The following ESR1 variants were observed in gnomAD, a reference collection of about 807,000 sequenced individuals.
ESR1 encodes the protein estrogen receptor.
ESR1 carries 12 observed loss-of-function variants against 52.7 expected under a neutral mutation model. That is an observed-to-expected ratio of 0.23 (90% CI 0.15 to 0.37). ESR1 has a LOEUF of 0.37. Among genes scored for constraint, ESR1 ranks in the 10% least tolerant of loss-of-function variants. The pLI is 1.00. For missense variants in ESR1, 584 were observed against 779.7 expected (o/e 0.75, Z 2.99); for synonymous variants, 305 against 316.8 (o/e 0.96, Z 0.39).
chr6:152,081,844 C>T (rs1462466185), intron 6 of ESR1, among the ~76,000 whole-genome samples: 1 of 152,178 alleles, frequency 6.6e-6, no homozygotes, highest in Non-Finnish European at 1.5e-5. Flanking sequence ...ATACTATAAA[C>T]TCCTCTACGC....
chr6:151,701,981 A>G (rs943087588), exon 2 of ESR1: 1 of 152,236 alleles, frequency 6.6e-6, no homozygotes, highest in Non-Finnish European at 1.5e-5. Flanking sequence ...GTAGATTTTA[A>G]TCTGAACTTT....
chr6:151,849,991 T>TA (rs1443104827), intron 2 of ESR1, among the ~76,000 whole-genome samples: 1,535 of 111,702 alleles, frequency 0.014, 62 homozygotes, highest in African/African-American at 0.046. Flanking sequence ...TATATATATA[T>TA]ATATATATAT....
At chr6:152,055,253 G>A (rs975924064) in intron 5 of ESR1, among the ~76,000 whole-genome samples, 2 of 152,130 alleles carry the variant, frequency 1.3e-5, no homozygotes, top group African/African-American at 4.8e-5. Flanking sequence ...TTTTGGGCAG[G>A]GTCCTCTGTA....
intron 4 of ESR1, among the ~76,000 whole-genome samples, chr6:151,963,454 A>G (rs2037903985): frequency 1.3e-5 from 2 of 152,198 alleles, no homozygotes; most frequent in Admixed American, 1.3e-4. Context: ...CAAAGTGTGA[A>G]ACTCCTTAGA....
At chr6:152,093,367 T>A (rs1480280622) in intron 6 of ESR1, among the ~76,000 whole-genome samples, 2 of 143,464 alleles carry the variant, frequency 1.4e-5, no homozygotes, top group African/African-American at 5.2e-5. Flanking sequence ...TCTCTCTCTC[T>A]CTCACCCCCC....
At chr6:151,854,108 T>C (rs1157019949) in intron 2 of ESR1, among the ~76,000 whole-genome samples, 1 of 152,238 alleles carries the variant, frequency 6.6e-6, no homozygotes, top group African/African-American at 2.4e-5. Context: ...GTATCTCTGA[T>C]ACTCATTCAG....
intron 4 of ESR1, among the ~76,000 whole-genome samples, chr6:152,003,753 G>A (rs3020409): frequency 0.97 from 147,293 of 152,052 alleles, 71,378 homozygotes; most frequent in East Asian, 1. Context: ...AAAGATACAA[G>A]TGACATTTTC....
intron 2 of ESR1, among the ~76,000 whole-genome samples, chr6:151,755,640 C>CTTT (rs372816195): frequency 1.4e-5 from 2 of 145,750 alleles, no homozygotes; most frequent in African/African-American, 5.0e-5. Flanking sequence ...TTTTTCTTTT[C>CTTT]TTTTTTTTTT....
At chr6:152,026,953 C>T (rs1191969988) in intron 5 of ESR1, among the ~76,000 whole-genome samples, 1 of 149,284 alleles carries the variant, frequency 6.7e-6, no homozygotes, top group Non-Finnish European at 1.5e-5. Context: ...TAATAACTTC[C>T]ATGGCTATTC....
chr6:151,754,847 G>A (rs1461392496), intron 2 of ESR1, among the ~76,000 whole-genome samples: 1 of 152,076 alleles, frequency 6.6e-6, no homozygotes, highest in East Asian at 1.9e-4. Context: ...AACTCTAGAC[G>A]TGTCCATCCA....
chr6:151,902,228 A>C (rs1275373712), intron 3 of ESR1, among the ~76,000 whole-genome samples: 3 of 152,118 alleles, frequency 2.0e-5, no homozygotes, highest in Non-Finnish European at 4.4e-5. Flanking sequence ...TCCATTCCTC[A>C]AGGGACCTAG....
intron 6 of ESR1, among the ~76,000 whole-genome samples, chr6:152,109,118 TACTC>T (rs1352022976): frequency 1.3e-5 from 2 of 152,038 alleles, no homozygotes; most frequent in African/African-American, 4.8e-5. Context: ...ATAACTCACT[TACTC>T]ACTATCACAA....
At chr6:151,845,335 C>T (rs1199620949) in intron 2 of ESR1, among the ~76,000 whole-genome samples, 1 of 152,180 alleles carries the variant, frequency 6.6e-6, no homozygotes, top group African/African-American at 2.4e-5. Context: ...GTTTGGGAGG[C>T]TGAGGCGAGT....
intron 5 of ESR1, among the ~76,000 whole-genome samples, chr6:152,017,423 G>A (rs990412585): frequency 6.6e-6 from 1 of 152,098 alleles, no homozygotes; most frequent in African/African-American, 2.4e-5. Flanking sequence ...AAGAAATAAA[G>A]GTTATTATAA....
chr6:151,764,288 C>T (rs1408476548), intron 2 of ESR1, among the ~76,000 whole-genome samples: 1 of 151,860 alleles, frequency 6.6e-6, no homozygotes, highest in Non-Finnish European at 1.5e-5. Flanking sequence ...TTTTTTTCTG[C>T]CTGAGTAACA....
chr6:152,110,525 G>A (rs373292121), intron 6 of ESR1, among the ~76,000 whole-genome samples: 8 of 152,128 alleles, frequency 5.3e-5, no homozygotes, highest in East Asian at 1.9e-4. Context: ...GGGGCCTATC[G>A]GGGGGTGGAG....
At position 152,026,110 on chromosome 6, in the gene ESR1, G is replaced by C. The variant is rs181921445; in HGVS notation, c.1235+14316G>C. Among the ~76,000 whole-genome samples the C allele has an allele frequency of 3.4e-3, 521 of 151,996 alleles. 2 individuals carry two copies. The highest frequency in any genetic ancestry group is 5.5e-3 in the Non-Finnish European group (373 of 67,872). On this transcript the variant is annotated intron_variant, in intron 5 of 7. Coordinates refer to ENST00000206249, the MANE Select transcript of ESR1 (RefSeq NM_000125.4). The stretch of plus-strand genomic sequence containing the variant: ...ATTACAATTATTACTGAATATTTTT[G>C]TGGTCTAATATAATTTCAGCTTTCA...
intron 2 of ESR1, among the ~76,000 whole-genome samples, chr6:151,854,326 G>A (rs1164766256): frequency 6.6e-6 from 1 of 152,120 alleles, no homozygotes; most frequent in Non-Finnish European, 1.5e-5. Context: ...GTGTGGGTTA[G>A]AGAGCAGATT....
At chr6:151,754,281 A>T (rs1784116116) in intron 2 of ESR1, among the ~76,000 whole-genome samples, 1 of 152,022 alleles carries the variant, frequency 6.6e-6, no homozygotes, top group African/African-American at 2.4e-5. Context: ...GTCTATTATT[A>T]TAAGTTTGTT....
Sources: gnomAD v4.1 joint callset for allele counts (sites outside exome capture counted in the v4.1 genomes callset) on GRCh38, gnomAD v4.1.1 for gene constraint, MANE v1.5 for transcripts, NCBI Gene and HGNC (gene_info 2026-07-23, HGNC 2026-07-21) for gene names.